The following SUPT3H variants were observed in gnomAD, a reference collection of about 807,000 sequenced individuals.
SUPT3H encodes the protein transcription initiation protein SPT3 homolog.
Under a neutral mutation model 44.3 loss-of-function variants are expected in SUPT3H, and 44 were observed. The observed-to-expected ratio is 0.99, with a 90% CI of 0.78 to 1.28. The LOEUF is 1.28. Ranked by LOEUF, SUPT3H falls within the 50% of genes most tolerant of loss-of-function variation. The probability of loss-of-function intolerance (pLI) is 0.00; values close to 1 mark genes in which losing one functional copy is unlikely to be tolerated. For missense variants in SUPT3H, 380 were observed against 387.1 expected (o/e 0.98, Z 0.15); for synonymous variants, 124 against 125.6 (o/e 0.99, Z 0.09).
chr6:45,320,104 C>T (rs2150030144), intron 2 of SUPT3H, among the ~76,000 whole-genome samples: 1 of 151,966 alleles, frequency 6.6e-6, no homozygotes, highest in South Asian at 2.1e-4. Flanking sequence ...TTATTACATA[C>T]CATAGACACG....
intron 10 of SUPT3H, among the ~76,000 whole-genome samples, chr6:44,904,607 T>C (rs1344946950): frequency 2.0e-5 from 3 of 152,152 alleles, no homozygotes; most frequent in African/African-American, 7.2e-5. Flanking sequence ...AGGTAATTTA[T>C]AGATTCAATG....
intron 2 of SUPT3H, among the ~76,000 whole-genome samples, chr6:45,324,467 A>T (rs1387638524): frequency 6.6e-6 from 1 of 151,992 alleles, no homozygotes; most frequent in Non-Finnish European, 1.5e-5. Context: ...AGTGAGGATT[A>T]ATGTCAATAT....
At chr6:45,245,543 C>T (rs947368177) in intron 2 of SUPT3H, among the ~76,000 whole-genome samples, 3 of 152,082 alleles carry the variant, frequency 2.0e-5, no homozygotes, top group Admixed American at 2.0e-4. Flanking sequence ...TAACATTTGT[C>T]CTTTTAGGTC....
intron 11 of SUPT3H, among the ~76,000 whole-genome samples, chr6:44,812,059 A>G (rs895739781): frequency 6.0e-5 from 9 of 150,754 alleles, no homozygotes; most frequent in African/African-American, 2.2e-4. Context: ...CAGAAGCTGG[A>G]AAAAAAAATA....
At chr6:45,130,803 C>T (rs773486865) in intron 2 of SUPT3H, among the ~76,000 whole-genome samples, 7 of 150,284 alleles carry the variant, frequency 4.7e-5, no homozygotes, top group East Asian at 1.9e-4. Context: ...CCGCAACCTC[C>T]GCCTTCCAGG....
intron 4 of SUPT3H, among the ~76,000 whole-genome samples, chr6:45,018,828 C>T (rs2153516644): frequency 6.6e-6 from 1 of 151,798 alleles, no homozygotes; most frequent in South Asian, 2.1e-4. Context: ...TGTGTCTCTG[C>T]CCAGCTTTGG....
Position 44,904,896 on chromosome 6 carries a change from C to T in SUPT3H, c.912+27757G>A, listed in dbSNP as rs1340537672. Among the ~76,000 whole-genome samples the T allele has an allele frequency of 3.3e-5, 5 of 152,258 alleles. No homozygotes were observed. The South Asian group carries it at 6.2e-4, about 19-fold the overall frequency. On this transcript the variant is annotated intron_variant, in intron 10 of 10. Coordinates refer to ENST00000371459, the MANE Select transcript of SUPT3H (RefSeq NM_003599.4). ...CTACAACCATCTGAACTTTGACAAA[C>T]CTGACAAAAACAAGAAATGGGAAAA... is the stretch of plus-strand genomic sequence containing the variant.
At chr6:44,921,538 G>A (rs1768724450) in intron 10 of SUPT3H, among the ~76,000 whole-genome samples, 1 of 152,216 alleles carries the variant, frequency 6.6e-6, no homozygotes, top group African/African-American at 2.4e-5. Context: ...AGTGGCTTCA[G>A]AGAAAAGCAC....
intron 10 of SUPT3H, among the ~76,000 whole-genome samples, chr6:44,865,303 C>T (rs1775326440): frequency 6.6e-6 from 1 of 152,212 alleles, no homozygotes; most frequent in African/African-American, 2.4e-5. Context: ...TTCTTCTGAG[C>T]CCTCCAAACT....
At chr6:45,240,811 C>T (rs1474488087) in intron 2 of SUPT3H, among the ~76,000 whole-genome samples, 2 of 152,044 alleles carry the variant, frequency 1.3e-5, no homozygotes, top group Admixed American at 1.3e-4. Context: ...AGATGATATG[C>T]CTGCTGTAGG....
chr6:44,995,772 G>C (rs187984167), intron 6 of SUPT3H, among the ~76,000 whole-genome samples: 9 of 151,962 alleles, frequency 5.9e-5, no homozygotes, highest in Non-Finnish European at 1.0e-4. Context: ...AAAATAAAAT[G>C]AAAAGAGAAA....
At chr6:44,843,233 G>T (rs1000720448) in intron 10 of SUPT3H, among the ~76,000 whole-genome samples, 1 of 151,964 alleles carries the variant, frequency 6.6e-6, no homozygotes, top group African/African-American at 2.4e-5. Context: ...AAAATAGACA[G>T]GCAAGAACAA....
At chr6:44,930,549 AGT>A (rs1435982233) in intron 10 of SUPT3H, among the ~76,000 whole-genome samples, 1 of 136,752 alleles carries the variant, frequency 7.3e-6, no homozygotes. Context: ...GGGCAAACAG[AGT>A]GAGACTCCGT....
chr6:45,361,393 AG>A (rs1234711254), intron 2 of SUPT3H, among the ~76,000 whole-genome samples: 1 of 152,210 alleles, frequency 6.6e-6, no homozygotes, highest in Non-Finnish European at 1.5e-5. Context: ...CATTATCATC[AG>A]GCCTGTAACT....
chr6:45,218,079 G>A (rs1324300809), intron 2 of SUPT3H, among the ~76,000 whole-genome samples: 5 of 152,028 alleles, frequency 3.3e-5, no homozygotes, highest in African/African-American at 1.2e-4. Flanking sequence ...GAAAATTGTT[G>A]AAATATACCA....
chr6:45,227,015 A>C (rs993493520), intron 2 of SUPT3H, among the ~76,000 whole-genome samples: 2 of 149,144 alleles, frequency 1.3e-5, no homozygotes. Flanking sequence ...TATATATTTA[A>C]ATATATACTA....
At chr6:45,364,406 A>G (rs779387819) in intron 2 of SUPT3H, among the ~76,000 whole-genome samples, 19 of 152,186 alleles carry the variant, frequency 1.2e-4, no homozygotes, top group Non-Finnish European at 2.4e-4. Context: ...AGACACTTAA[A>G]CCTTCAACAG....
chr6:44,945,999 G>C (rs902603720), intron 9 of SUPT3H, among the ~76,000 whole-genome samples: 20 of 152,074 alleles, frequency 1.3e-4, no homozygotes, highest in African/African-American at 4.8e-4. Context: ...TTAAGTTTTA[G>C]CTAGTGTTCA....
intron 10 of SUPT3H, among the ~76,000 whole-genome samples, chr6:44,865,838 G>A (rs1193215219): frequency 6.6e-6 from 1 of 152,168 alleles, no homozygotes; most frequent in Admixed American, 6.5e-5. Context: ...CTTCTAAAGA[G>A]TTCTGCTGTA....
Sources: gnomAD v4.1 joint callset for allele counts (sites outside exome capture counted in the v4.1 genomes callset) on GRCh38, gnomAD v4.1.1 for gene constraint, MANE v1.5 for transcripts, NCBI Gene and HGNC (gene_info 2026-07-23, HGNC 2026-07-21) for gene names.